The following WEE2 variants were observed in gnomAD, a reference collection of about 807,000 sequenced individuals.
WEE2 encodes wee1-like protein kinase 2.
In WEE2, 50 loss-of-function variants were observed where a neutral mutation model predicts 60.1. The observed-to-expected ratio is 0.83, with a 90% CI of 0.66 to 1.05. WEE2 has a LOEUF of 1.05. WEE2 is among the 50% of genes least tolerant of loss of function. The probability of loss-of-function intolerance (pLI) is 0.00; values close to 1 mark genes in which losing one functional copy is unlikely to be tolerated. For missense variants in WEE2, 631 were observed against 684.3 expected (o/e 0.92, Z 0.87); for synonymous variants, 240 against 241.0 (o/e 1.00, Z 0.04).
chr7:141,716,446 A>C (rs1397499517), intron 3 of WEE2, among the ~76,000 whole-genome samples, 179 bp downstream of exon 3: 4 of 112,366 alleles, frequency 3.6e-5, no homozygotes, highest in African/African-American at 3.6e-5. Flanking sequence ...CCCTTCTTCT[A>C]CCCTCTCCTT....
rs912447277 is a variant in WEE2 at position 141,723,123 on chromosome 7, T to C, written c.881-11T>C. ...CATACTGTGGGGCTGTTCTCTGTTGTTCTTTCCCAGGTGGGAGTTTGCAAG... is the reference window on the plus strand; with the variant it reads ...CATACTGTGGGGCTGTTCTCTGTTGCTCTTTCCCAGGTGGGAGTTTGCAAG... On this transcript the variant is annotated splice_polypyrimidine_tract_variant and intron_variant, in intron 5 of 11. Coordinates refer to ENST00000397541, the MANE Select transcript of WEE2 (RefSeq NM_001105558.1). The C allele has an allele frequency of 6.2e-7, 1 of 1,613,922 alleles. No homozygotes were observed. Among genetic ancestry groups the C allele is most frequent in the African/African-American group, 1.3e-5 (1 of 74,944 alleles).
chr7:141,720,678 C>T, intron 4 of WEE2: 1 of 445,344 alleles, frequency 2.2e-6, no homozygotes, highest in East Asian at 3.4e-5. Flanking sequence ...ACTTTGGCAC[C>T]AGGCTGACCA....
chr7:141,708,420 A>T lies in WEE2; in HGVS notation c.-339A>T. The T allele has an allele frequency of 3.9e-6, 1 of 256,312 alleles. No individual in the cohort carries two copies. The highest frequency in any genetic ancestry group is 7.4e-6 in the Non-Finnish European group (1 of 134,512). 15.9% of individuals were successfully genotyped at this position (256,312 alleles called of 1,614,324 possible). A position where few individuals can be genotyped will look rare whatever the true frequency, so the allele number is the denominator to read the frequency against. ...GTATTTTTAAAGCCATGCTAAATTA[A>T]AGGAATTCAATTTTCTCACTAGTAT... On this transcript the variant is annotated 5_prime_UTR_variant, in exon 1 of 12. An upstream open reading frame in the 5' UTR loses its in-frame stop. Transcript: ENST00000397541.
At chr7:141,726,307 G>C (rs1799016514) in intron 9 of WEE2, among the ~76,000 whole-genome samples, 1 of 151,792 alleles carries the variant, frequency 6.6e-6, no homozygotes, top group African/African-American at 2.4e-5. Context: ...TTGGGACAGG[G>C]TCTCATTCTG....
intron 2 of WEE2, 130 bp downstream of exon 2, chr7:141,714,535 C>A (rs1798765738): frequency 1.5e-6 from 1 of 669,442 alleles, no homozygotes; most frequent in Non-Finnish European, 2.4e-6. Flanking sequence ...ACATATTCTC[C>A]CCTTCCTAGA....
At chr7:141,712,816 A>G (rs1266971040) in intron 1 of WEE2, among the ~76,000 whole-genome samples, 1 of 152,206 alleles carries the variant, frequency 6.6e-6, no homozygotes, top group East Asian at 1.9e-4. Flanking sequence ...TTTACTTTCC[A>G]TATGATAATC....
At chr7:141,723,033 C>G in intron 5 of WEE2, 101 bp from the exon 6 acceptor site, 1 of 1,474,396 alleles carries the variant, frequency 6.8e-7, no homozygotes, top group Non-Finnish European at 9.2e-7. Context: ...GCAGGAGGTC[C>G]TGGAACTAAT....
chr7:141,716,200 A>T, intron 2 of WEE2, 22 bp from the exon 3 acceptor site: 2 of 1,605,140 alleles, frequency 1.2e-6, no homozygotes, highest in Non-Finnish European at 1.7e-6. Flanking sequence ...TATATTGATA[A>T]ACTTTTTTTT....
chr7:141,714,794 C>G (rs1798769470), intron 2 of WEE2, among the ~76,000 whole-genome samples: 1 of 152,100 alleles, frequency 6.6e-6, no homozygotes, highest in South Asian at 2.1e-4. Flanking sequence ...TCTTGTGTGA[C>G]TAGTGATGAA....
chr7:141,728,364 C>T (rs1200048066), intron 10 of WEE2, among the ~76,000 whole-genome samples: 1 of 152,168 alleles, frequency 6.6e-6, no homozygotes, highest in Non-Finnish European at 1.5e-5. Flanking sequence ...TGAAGCATCC[C>T]TAACCTGATT....
chr7:141,708,678 T>C lies in WEE2; in HGVS notation c.-81T>C. On this transcript the variant is annotated 5_prime_UTR_variant, in exon 1 of 12. Coordinates refer to ENST00000397541, the MANE Select transcript of WEE2 (RefSeq NM_001105558.1). ...CGCGAAACCTGCAGGTTAAGTTATT[T>C]TCTCCTCCCTGCTTCTGTAGGTTCA... 7.8e-7 allele frequency: 1 copy of C among 1,276,572 alleles called. No individual in the cohort carries two copies. Among genetic ancestry groups the C allele is most frequent in the Non-Finnish European group, 1.1e-6 (1 of 915,332 alleles). 79.1% of individuals were successfully genotyped at this position (1,276,572 alleles called of 1,614,324 possible).
intron 9 of WEE2, among the ~76,000 whole-genome samples, chr7:141,726,818 T>C (rs1160916707): frequency 6.6e-6 from 1 of 152,174 alleles, no homozygotes; most frequent in African/African-American, 2.4e-5. Context: ...CTGTATATAA[T>C]TAGGTATTTT....
intron 5 of WEE2, 95 bp downstream of exon 5, chr7:141,721,151 G>A (rs542970570): frequency 1.4e-5 from 21 of 1,471,040 alleles, no homozygotes; most frequent in African/African-American, 8.4e-5. Context: ...TTCATTCCAC[G>A]GATAGCAGAT....
At chr7:141,724,403 G>A (rs1798975139) in intron 8 of WEE2, 128 bp downstream of exon 8, 6 of 813,546 alleles carry the variant, frequency 7.4e-6, no homozygotes, top group East Asian at 5.2e-5. Context: ...CATTCAGAAT[G>A]GAGACCAAAG....
In WEE2 at chr7:141,708,515, CGA is replaced by C. The variant is rs1299943371; in HGVS notation, c.-240_-239del. The C allele has an allele frequency of 1.6e-5, 9 of 548,382 alleles. No homozygotes were observed. The highest frequency in any genetic ancestry group is 1.5e-4 in the African/African-American group (8 of 53,124). The allele number at this position is 548,382 out of a possible 1,614,324, so 34.0% of individuals were successfully genotyped here. On this transcript the variant is annotated 5_prime_UTR_variant, in exon 1 of 12. An upstream open reading frame in the 5' UTR gains an earlier in-frame stop. Coordinates refer to ENST00000397541, the MANE Select transcript of WEE2 (RefSeq NM_001105558.1). ...GTACATGAACTGCATTTAATTGCTCCGAGAGTCACTGGAGCTTTCTTTAATCA... is the reference window on the plus strand; with the variant it reads ...GTACATGAACTGCATTTAATTGCTCCGAGTCACTGGAGCTTTCTTTAATCA...
chr7:141,713,722 A>G (rs1798745775), intron 1 of WEE2, among the ~76,000 whole-genome samples: 1 of 152,216 alleles, frequency 6.6e-6, no homozygotes, highest in African/African-American at 2.4e-5. Flanking sequence ...CTGAATAATG[A>G]ACTATATATT....
chr7:141,727,882 T>C (rs1020695717), intron 10 of WEE2: 2 of 158,418 alleles, frequency 1.3e-5, no homozygotes, highest in Non-Finnish European at 2.8e-5. Context: ...GGAAGGATTA[T>C]TTTTCTGAGC....
At chr7:141,723,453 G>C (rs1261446806) in intron 6 of WEE2, among the ~76,000 whole-genome samples, 173 bp downstream of exon 6, 2 of 151,968 alleles carry the variant, frequency 1.3e-5, no homozygotes, top group East Asian at 1.9e-4. Context: ...TTCTCCCCTA[G>C]GCCCAACAGA....
intron 5 of WEE2, 30 bp from the exon 6 acceptor site, chr7:141,723,104 G>A (rs1177056272): frequency 1.2e-6 from 2 of 1,613,278 alleles, no homozygotes; most frequent in South Asian, 1.1e-5. Context: ...GACTCATACT[G>A]TGGGGCTGTT....
Sources: allele counts gnomAD v4.1 joint callset (sites outside exome capture counted in the v4.1 genomes callset), GRCh38; gene constraint gnomAD v4.1.1; transcripts MANE v1.5; gene names NCBI Gene and HGNC (gene_info 2026-07-23, HGNC 2026-07-21).